The following VWC2 variants were observed in gnomAD, a reference collection of about 807,000 sequenced individuals.
VWC2 encodes von Willebrand factor C domain containing 2, also known as brorin.
A neutral mutation model predicts 29.8 loss-of-function variants in VWC2; 14 were observed. That is an observed-to-expected ratio of 0.47 (90% CI 0.31 to 0.74). The LOEUF is 0.74. VWC2 is among the 30% of genes least tolerant of loss of function. The pLI, the probability that VWC2 is intolerant of heterozygous loss-of-function variation, is 0.05. For synonymous variants in VWC2, 213 were observed against 199.0 expected (o/e 1.07, Z -0.59); for missense variants, 457 against 459.8 (o/e 0.99, Z 0.05).
In VWC2 at chr7:49,920,925, T is replaced by C. The variant is rs1301380639; in HGVS notation, c.*8740T>C. Reference sequence around the variant, plus strand: ...GAAATGTACTAAAATGTTGTACTTATTACATTTATGAATTTCTGACAGTTT... The same window carrying C: ...GAAATGTACTAAAATGTTGTACTTACTACATTTATGAATTTCTGACAGTTT... On this transcript the variant is annotated 3_prime_UTR_variant, in exon 4 of 4. Coordinates refer to ENST00000340652, the MANE Select transcript of VWC2 (RefSeq NM_198570.5). 6.6e-6 allele frequency: 1 copy of C among 152,226 alleles called. No individual in the cohort carries two copies. The highest frequency in any genetic ancestry group is 2.4e-5 in the African/African-American group (1 of 41,456). 9.4% of individuals were successfully genotyped at this position (152,226 alleles called of 1,614,324 possible).
intron 3 of VWC2, among the ~76,000 whole-genome samples, chr7:49,865,138 A>G (rs1790825172): frequency 6.6e-6 from 1 of 152,168 alleles, no homozygotes; most frequent in South Asian, 2.1e-4. Flanking sequence ...TTGATTTTGT[A>G]TATTGCTTTT....
At chr7:49,801,194 T>C (rs1788729173) in intron 2 of VWC2, among the ~76,000 whole-genome samples, 1 of 152,210 alleles carries the variant, frequency 6.6e-6, no homozygotes, top group Non-Finnish European at 1.5e-5. Flanking sequence ...AGTGTTTGCA[T>C]TGTATAGACA....
At chr7:49,872,915 CAAAAAAAAAAA>C (rs61473396) in intron 3 of VWC2, among the ~76,000 whole-genome samples, 2 of 33,960 alleles carry the variant, frequency 5.9e-5, no homozygotes, top group African/African-American at 2.1e-4. Context: ...GACTTTGTCT[CAAAAAAAAAAA>C]AAAAAAAAAA....
At chr7:49,778,354 C>T (rs1788095836) in intron 2 of VWC2, among the ~76,000 whole-genome samples, 1 of 152,208 alleles carries the variant, frequency 6.6e-6, no homozygotes, top group South Asian at 2.1e-4. Flanking sequence ...CATCTTCCAT[C>T]TTCAAATGAC....
intron 3 of VWC2, among the ~76,000 whole-genome samples, chr7:49,824,353 A>C (rs1025233820): frequency 6.6e-6 from 1 of 152,174 alleles, no homozygotes; most frequent in Non-Finnish European, 1.5e-5. Flanking sequence ...CTATTGAATT[A>C]TCTTGACTTC....
At chr7:49,787,473 C>T (rs530219202) in intron 2 of VWC2, among the ~76,000 whole-genome samples, 39 of 152,268 alleles carry the variant, frequency 2.6e-4, no homozygotes, top group African/African-American at 8.4e-4. Flanking sequence ...GCTAAACCTC[C>T]CCACCTGGTG....
intron 3 of VWC2, among the ~76,000 whole-genome samples, chr7:49,873,800 T>C (rs951332824): frequency 1.3e-5 from 2 of 151,742 alleles, no homozygotes; most frequent in Non-Finnish European, 2.9e-5. Flanking sequence ...AATGTGGCCA[T>C]CAAGAGAAAA....
In VWC2 at chr7:49,793,346, T is replaced by A. The variant is rs77891061; in HGVS notation, c.697-9365T>A. Reference sequence around the variant, plus strand: ...TTGTTTCTAACCCTCTTTTTTTTTTTAATGAAATTGAAGTGTACAGATAGA... The same window carrying A: ...TTGTTTCTAACCCTCTTTTTTTTTTAAATGAAATTGAAGTGTACAGATAGA... On this transcript the variant is annotated intron_variant, in intron 2 of 3. Transcript: ENST00000340652. 3.0e-4 allele frequency among the ~76,000 whole-genome samples: 45 copies of A among 152,064 alleles called. 1 individual carries two copies. In the South Asian group the frequency reaches 8.7e-3, roughly 30 times the overall value.
chr7:49,847,863 A>G (rs1333701321), intron 3 of VWC2, among the ~76,000 whole-genome samples: 1 of 152,098 alleles, frequency 6.6e-6, no homozygotes. Context: ...TGGGGATGTG[A>G]GCTCTGATTG....
intron 3 of VWC2, among the ~76,000 whole-genome samples, chr7:49,849,558 C>T (rs1790092298): frequency 6.6e-6 from 1 of 152,200 alleles, no homozygotes; most frequent in Non-Finnish European, 1.5e-5. Flanking sequence ...TTCAGCCCTT[C>T]TACACACACA....
chr7:49,896,396 A>T (rs747939806), intron 3 of VWC2, among the ~76,000 whole-genome samples: 2 of 152,228 alleles, frequency 1.3e-5, no homozygotes, highest in Non-Finnish European at 2.9e-5. Context: ...AAGCAGTGCT[A>T]AAAGGAAAAC....
At chr7:49,897,000 A>G (rs1274826459) in intron 3 of VWC2, among the ~76,000 whole-genome samples, 4 of 146,308 alleles carry the variant, frequency 2.7e-5, no homozygotes, top group African/African-American at 1.0e-4. Context: ...GGTTCACGCC[A>G]TTCTCCTGCC....
At chr7:49,804,670 T>C (rs1562712182) in intron 3 of VWC2, among the ~76,000 whole-genome samples, 2 of 152,168 alleles carry the variant, frequency 1.3e-5, no homozygotes, top group Admixed American at 6.5e-5. Flanking sequence ...TAGAGAAATT[T>C]CAAACCTACA....
At chr7:49,871,954 C>CACAT (rs1321078654) in intron 3 of VWC2, among the ~76,000 whole-genome samples, 9 of 65,890 alleles carry the variant, frequency 1.4e-4, no homozygotes, top group Non-Finnish European at 2.6e-4. Context: ...CACACACACA[C>CACAT]ACACCGAGAA....
Position 49,919,854 on chromosome 7 carries a change from G to A in VWC2, c.*7669G>A, listed in dbSNP as rs1392872988. ...GATTTTCATTTTAAGATAGGCATCA[G>A]TGCAATAAAGGAGCTTGATACAAAA... On this transcript the variant is annotated 3_prime_UTR_variant, in exon 4 of 4. Coordinates refer to ENST00000340652, the MANE Select transcript of VWC2 (RefSeq NM_198570.5). The A allele has an allele frequency of 6.6e-6, 1 of 152,174 alleles. No homozygotes were observed. The highest frequency in any genetic ancestry group is 2.4e-5 in the African/African-American group (1 of 41,450). 9.4% of individuals were successfully genotyped at this position (152,174 alleles called of 1,614,324 possible).
At chr7:49,844,793 A>G (rs1003622843) in intron 3 of VWC2, among the ~76,000 whole-genome samples, 5 of 152,038 alleles carry the variant, frequency 3.3e-5, no homozygotes, top group Admixed American at 3.3e-4. Context: ...CCTGGGTTCA[A>G]GCGATTCTCC....
chr7:49,900,560 A>C (rs1473475234), intron 3 of VWC2, among the ~76,000 whole-genome samples: 2 of 151,766 alleles, frequency 1.3e-5, no homozygotes, highest in Non-Finnish European at 3.0e-5. Context: ...AATCAAGATG[A>C]AATGAACCAA....
intron 2 of VWC2, among the ~76,000 whole-genome samples, chr7:49,783,198 G>A (rs528669907): frequency 6.6e-6 from 1 of 152,192 alleles, no homozygotes; most frequent in Admixed American, 6.5e-5. Context: ...AAATATTTAG[G>A]ACACCATGTG....
intron 2 of VWC2, among the ~76,000 whole-genome samples, chr7:49,792,708 G>A (rs149216801): frequency 0.01 from 1,538 of 152,290 alleles, 20 homozygotes; most frequent in Non-Finnish European, 0.012. Context: ...CCCCATCTGC[G>A]CTGTGTCCAG....
Sources: allele counts gnomAD v4.1 joint callset (sites outside exome capture counted in the v4.1 genomes callset), GRCh38; gene constraint gnomAD v4.1.1; transcripts MANE v1.5; gene names NCBI Gene and HGNC (gene_info 2026-07-23, HGNC 2026-07-21).